Variants in THADA observed in about 807,000 individuals in gnomAD.
The protein encoded by THADA is tRNA (32-2'-O)-methyltransferase regulator THADA.
A neutral mutation model predicts 219.8 loss-of-function variants in THADA; 213 were observed. The observed-to-expected ratio is 0.97, with a 90% CI of 0.87 to 1.09. THADA has a LOEUF of 1.09. THADA is among the 50% of genes least tolerant of loss of function. The probability of loss-of-function intolerance (pLI) is 0.00; values close to 1 mark genes in which losing one functional copy is unlikely to be tolerated. For missense variants in THADA, 2,956 were observed against 2,311.3 expected (o/e 1.28, Z -5.72); for synonymous variants, 1,018 against 828.9 (o/e 1.23, Z -3.92).
chr2:43,436,080 T>C (rs1680064513), intron 26 of THADA, among the ~76,000 whole-genome samples: 2 of 152,196 alleles, frequency 1.3e-5, no homozygotes, highest in South Asian at 4.1e-4. Context: ...CACAGCTTGT[T>C]GAGTCTTCCT....
chr2:43,471,677 T>C (rs766145473), intron 26 of THADA, among the ~76,000 whole-genome samples: 1 of 152,198 alleles, frequency 6.6e-6, no homozygotes, highest in Non-Finnish European at 1.5e-5. Flanking sequence ...AGACAGAACA[T>C]GTAACAACAA....
At chr2:43,365,589 A>ACACACACACG (rs1256315062) in intron 29 of THADA, among the ~76,000 whole-genome samples, 6 of 151,870 alleles carry the variant, frequency 4.0e-5, no homozygotes, top group Admixed American at 2.6e-4. Flanking sequence ...ACACACACAC[A>ACACACACACG]CACACACACG....
At chr2:43,539,410 T>C (rs1458653924) in intron 21 of THADA, among the ~76,000 whole-genome samples, 1 of 152,232 alleles carries the variant, frequency 6.6e-6, no homozygotes, top group Non-Finnish European at 1.5e-5. Context: ...AGGAAGTTCA[T>C]GGGGCAAAAG....
At chr2:43,267,268 C>G (rs147176989) in intron 36 of THADA, among the ~76,000 whole-genome samples, 4 of 152,354 alleles carry the variant, frequency 2.6e-5, no homozygotes, top group African/African-American at 9.6e-5. Context: ...AAAGGAAGGT[C>G]TGTTGATTTT....
chr2:43,385,473 G>A (rs1672543047), intron 29 of THADA, among the ~76,000 whole-genome samples: 1 of 152,080 alleles, frequency 6.6e-6, no homozygotes, highest in Non-Finnish European at 1.5e-5. Flanking sequence ...CGGGTGTGGT[G>A]GCGGATGCCT....
intron 29 of THADA, among the ~76,000 whole-genome samples, chr2:43,355,630 G>C (rs1435801060): frequency 2.6e-5 from 4 of 152,098 alleles, no homozygotes; most frequent in African/African-American, 9.7e-5. Context: ...TGTATCTTAG[G>C]TCTTATGTTT....
chr2:43,593,630 CTT>C (rs764094980), intron 1 of THADA, among the ~76,000 whole-genome samples: 5 of 127,652 alleles, frequency 3.9e-5, no homozygotes, highest in Non-Finnish European at 6.6e-5. Context: ...CTACTACAGA[CTT>C]TTTTTTTTTT....
chr2:43,416,894 C>T (rs1045504538), intron 28 of THADA, among the ~76,000 whole-genome samples: 3 of 152,130 alleles, frequency 2.0e-5, no homozygotes, highest in African/African-American at 7.2e-5. Flanking sequence ...GTAACAAAAC[C>T]TTCCTTTCAT....
intron 24 of THADA, among the ~76,000 whole-genome samples, chr2:43,500,576 T>C (rs1688828325): frequency 6.6e-6 from 1 of 152,154 alleles, no homozygotes; most frequent in African/African-American, 2.4e-5. Context: ...CATATTTATC[T>C]AAAAAGATGC....
intron 31 of THADA, among the ~76,000 whole-genome samples, chr2:43,301,501 CACAGGA>C (rs1037069737): frequency 6.6e-6 from 1 of 152,158 alleles, no homozygotes; most frequent in African/African-American, 2.4e-5. Context: ...GGGTGGGGAC[CACAGGA>C]ACCATATTCC....
intron 35 of THADA, among the ~76,000 whole-genome samples, chr2:43,283,396 G>C (rs1673598493): frequency 6.6e-6 from 1 of 152,248 alleles, no homozygotes; most frequent in Admixed American, 6.5e-5. Context: ...GTAATGGGCA[G>C]AGGTTGAAAC....
chr2:43,245,090 G>A (rs190225139), intron 36 of THADA, among the ~76,000 whole-genome samples: 1 of 151,192 alleles, frequency 6.6e-6, no homozygotes. Flanking sequence ...CCTGGATCTT[G>A]AAACTTCTCT....
chr2:43,547,387 T>C (rs1696170828), intron 20 of THADA, among the ~76,000 whole-genome samples: 2 of 152,228 alleles, frequency 1.3e-5, no homozygotes, highest in Admixed American at 1.3e-4. Context: ...TGGCGTTCTC[T>C]GTATTTCCTG....
chr2:43,358,829 G>A (rs1349530332), intron 29 of THADA, among the ~76,000 whole-genome samples: 1 of 152,054 alleles, frequency 6.6e-6, no homozygotes, highest in Non-Finnish European at 1.5e-5. Flanking sequence ...AAATAAAGAT[G>A]GAATTTTTTT....
chr2:43,321,011 C>CACTTGAATATAGACACTTGAAAT (rs1327252336), intron 30 of THADA, among the ~76,000 whole-genome samples: 3 of 152,104 alleles, frequency 2.0e-5, no homozygotes, highest in Non-Finnish European at 4.4e-5. Context: ...TTGAAATAAC[C>CACTTGAATATAGACACTTGAAAT]AGCTGAACAA....
At chr2:43,253,697 A>G (rs1670038476) in intron 36 of THADA, among the ~76,000 whole-genome samples, 1 of 151,606 alleles carries the variant, frequency 6.6e-6, no homozygotes, top group South Asian at 2.1e-4. Context: ...CTCCTGAGCT[A>G]CTCATCTCTC....
intron 30 of THADA, among the ~76,000 whole-genome samples, chr2:43,324,233 T>G (rs572450641): frequency 1.3e-5 from 2 of 152,160 alleles, no homozygotes; most frequent in African/African-American, 4.8e-5. Flanking sequence ...AGAGGAAAGG[T>G]TGACGATCTT....
chr2:43,497,965 T>C (rs867838528), intron 25 of THADA, among the ~76,000 whole-genome samples: 3 of 151,974 alleles, frequency 2.0e-5, no homozygotes, highest in Admixed American at 6.6e-5. Flanking sequence ...CTTATATCTA[T>C]GTAAAAAACC....
At chr2:43,566,338 AAATAT>A in intron 15 of THADA, 1 of 577,688 alleles carries the variant, frequency 1.7e-6, no homozygotes, top group Non-Finnish European at 3.1e-6. Flanking sequence ...GAGAAATATT[AAATAT>A]AATAGAAGCT....
Sources: allele counts gnomAD v4.1 joint callset (sites outside exome capture counted in the v4.1 genomes callset), GRCh38; gene constraint gnomAD v4.1.1; transcripts MANE v1.5; gene names NCBI Gene and HGNC (gene_info 2026-07-23, HGNC 2026-07-21).